The following OLFM1 variants were observed in gnomAD, a reference collection of about 807,000 sequenced individuals.
The protein encoded by OLFM1 is noelin.
Under a neutral mutation model 49.7 loss-of-function variants are expected in OLFM1, and 9 were observed. The observed-to-expected ratio is 0.18, with a 90% CI of 0.11 to 0.32. The LOEUF (loss-of-function observed/expected upper bound fraction) is 0.32, where lower values mean the gene tolerates loss of function less well. OLFM1 is among the 10% of genes least tolerant of loss of function. The pLI is 1.00. For missense variants in OLFM1, 369 were observed against 661.8 expected (o/e 0.56, Z 4.85); for synonymous variants, 240 against 271.8 (o/e 0.88, Z 1.15).
intron 2 of OLFM1, among the ~76,000 whole-genome samples, chr9:135,091,569 A>ACT (rs1830690948): frequency 6.6e-6 from 1 of 150,592 alleles, no homozygotes; most frequent in Admixed American, 6.6e-5. Context: ...AGTCACACAC[A>ACT]CACACAGTCA....
chr9:135,083,139 C>A (rs554672605), upstream of OLFM1, among the ~76,000 whole-genome samples: 2 of 152,184 alleles, frequency 1.3e-5, no homozygotes, highest in Non-Finnish European at 2.9e-5. Flanking sequence ...AGTTTCCTCA[C>A]CTGGGAAGTA....
chr9:135,099,568 G>A (rs1476446775), intron 4 of OLFM1, among the ~76,000 whole-genome samples: 1 of 152,178 alleles, frequency 6.6e-6, no homozygotes, highest in African/African-American at 2.4e-5. Flanking sequence ...GGTTTCCCAG[G>A]TTCCCAATTT....
chr9:135,076,939 C>T, intron 1 of OLFM1: 3 of 1,550,638 alleles, frequency 1.9e-6, no homozygotes, highest in Non-Finnish European at 2.6e-6. Context: ...CTGGCTCTGC[C>T]CAGGATGTGC....
chr9:135,091,716 G>GTCACACACAGTCACACTCACACATAT (rs1564270942), intron 2 of OLFM1, among the ~76,000 whole-genome samples: 1 of 29,074 alleles, frequency 3.4e-5, no homozygotes, highest in African/African-American at 1.2e-4. Context: ...CTCACACATA[G>GTCACACACAGTCACACTCACACATAT]TCACACACTC....
chr9:135,077,494 T>C (rs889881924), intron 1 of OLFM1: 20 of 384,782 alleles, frequency 5.2e-5, no homozygotes, highest in African/African-American at 2.2e-4. Context: ...TATTTGTCCA[T>C]CCACACGAAG....
chr9:135,110,666 G>A (rs1009426), intron 5 of OLFM1, among the ~76,000 whole-genome samples: 7,518 of 152,214 alleles, frequency 0.049, 600 homozygotes, highest in African/African-American at 0.17. Flanking sequence ...AGTGTGAGGA[G>A]GGACCTTCCC....
chr9:135,077,150 G>GCA (rs147807021), intron 1 of OLFM1: 38,842 of 1,507,044 alleles, frequency 0.026, 984 homozygotes, highest in African/African-American at 0.17. Flanking sequence ...TCATTCATGT[G>GCA]CACACACACA....
At position 135,119,006 on chromosome 9, in the gene OLFM1, G is replaced by T. The variant is rs191150456; in HGVS notation, c.784-498G>T. Among the ~76,000 whole-genome samples the T allele has an allele frequency of 2.7e-5, 4 of 150,292 alleles. No homozygotes were observed. In the East Asian group the frequency reaches 8.0e-4, roughly 30 times the overall value. ...TTGGCATGCTCGCCGGGTCTTTGGA[G>T]TACTCACTGGATCTTTGGATTACTC... On this transcript the variant is annotated intron_variant, in intron 5 of 5. Coordinates refer to ENST00000371793, the MANE Select transcript of OLFM1 (RefSeq NM_001282611.2).
At chr9:135,085,364 C>G (rs1830583916), upstream of OLFM1, among the ~76,000 whole-genome samples, 1 of 152,254 alleles carries the variant, frequency 6.6e-6, no homozygotes, top group Non-Finnish European at 1.5e-5. Context: ...TAACTATGGC[C>G]ATGACATTTA....
intron 1 of OLFM1, chr9:135,076,205 C>A (rs1490010894): frequency 6.4e-7 from 1 of 1,550,608 alleles, no homozygotes; most frequent in African/African-American, 1.4e-5. Flanking sequence ...TTAGTCCTAC[C>A]CCCAACACAC....
chr9:135,113,782 C>T lies in OLFM1; in HGVS notation c.784-5722C>T, dbSNP rs1017630376. Among the ~76,000 whole-genome samples the T allele has an allele frequency of 6.6e-6, 1 of 152,190 alleles. No homozygotes were observed. Among genetic ancestry groups the T allele is most frequent in the African/African-American group, 2.4e-5 (1 of 41,452 alleles). ...AGGTGGGAGACACATGCCCGATGCCCCAGCACACGGGTGTGGAAGCCCAAG... is the reference window on the plus strand; with the variant it reads ...AGGTGGGAGACACATGCCCGATGCCTCAGCACACGGGTGTGGAAGCCCAAG... On this transcript the variant is annotated intron_variant, in intron 5 of 5. Transcript: ENST00000371793. The surrounding 1 kb of genome is among the most constrained non-coding windows in gnomAD (Gnocchi z 4.0).
chr9:135,089,679 C>T (rs1830653421), intron 1 of OLFM1, among the ~76,000 whole-genome samples: 1 of 152,190 alleles, frequency 6.6e-6, no homozygotes, highest in African/African-American at 2.4e-5. Context: ...GAATAGGCTG[C>T]TGGATCTGGG....
chr9:135,106,312 G>A (rs150576015), intron 4 of OLFM1: 38 of 165,484 alleles, frequency 2.3e-4, no homozygotes, highest in Admixed American at 1.0e-3. Context: ...TGCCCCACGC[G>A]GGCTGGGCTG....
At chr9:135,106,349 G>A (rs918166154) in intron 4 of OLFM1, 10 of 193,720 alleles carry the variant, frequency 5.2e-5, no homozygotes. Flanking sequence ...AATGCCCTTG[G>A]GGGTGGAGCC....
chr9:135,100,502 C>T (rs529758597), intron 4 of OLFM1, among the ~76,000 whole-genome samples: 1 of 152,216 alleles, frequency 6.6e-6, no homozygotes, highest in African/African-American at 2.4e-5. Flanking sequence ...TTCACCTCTG[C>T]GTTTAATTCT....
intron 1 of OLFM1, among the ~76,000 whole-genome samples, chr9:135,079,079 G>A (rs1416863117): frequency 6.6e-6 from 1 of 152,176 alleles, no homozygotes; most frequent in Non-Finnish European, 1.5e-5. Context: ...TCAATTCTGG[G>A]CTTACAATGT....
chr9:135,108,661 G>C (rs751777220), intron 5 of OLFM1, among the ~76,000 whole-genome samples: 8 of 151,930 alleles, frequency 5.3e-5, no homozygotes, highest in Non-Finnish European at 1.2e-4. Flanking sequence ...AAAACAGCGA[G>C]TGTGTCCTGT....
intron 4 of OLFM1, chr9:135,106,496 G>A: frequency 2.1e-6 from 1 of 484,218 alleles, no homozygotes; most frequent in Non-Finnish European, 3.7e-6. Flanking sequence ...TGGGAGGGCG[G>A]CCGTCTGCCC....
intron 3 of OLFM1, among the ~76,000 whole-genome samples, chr9:135,096,284 CT>C (rs1830797057): frequency 7.4e-6 from 1 of 134,688 alleles, no homozygotes; most frequent in Non-Finnish European, 1.6e-5. Flanking sequence ...CCTCTTCCCC[CT>C]CATCCTCTTC....
Sources: gnomAD v4.1 joint callset for allele counts (sites outside exome capture counted in the v4.1 genomes callset) on GRCh38, gnomAD v4.1.1 for gene constraint, Gnocchi (gnomAD v3.1) non-coding constraint, MANE v1.5 for transcripts, NCBI Gene and HGNC (gene_info 2026-07-23, HGNC 2026-07-21) for gene names.